NELL1: variants seen among roughly 807,000 people sequenced by gnomAD.
NELL1 encodes protein kinase C-binding protein NELL1.
NELL1 carries 76 observed loss-of-function variants against 107.4 expected under a neutral mutation model. That is an observed-to-expected ratio of 0.71 (90% CI 0.59 to 0.86). The LOEUF is 0.86. Ranked by LOEUF, NELL1 falls within the 40% of genes least tolerant of loss-of-function variation. The pLI, the probability that NELL1 is intolerant of heterozygous loss-of-function variation, is 0.00. For missense variants in NELL1, 1,024 were observed against 1,005.5 expected, an observed-to-expected ratio of 1.02 and a Z score of -0.25; for synonymous variants, 353 against 341.2, an observed-to-expected ratio of 1.03 and a Z score of -0.38.
intron 15 of NELL1, among the ~76,000 whole-genome samples, chr11:21,481,218 C>T (rs1029941620): frequency 2.6e-5 from 4 of 152,206 alleles, no homozygotes; most frequent in Admixed American, 6.5e-5. Flanking sequence ...AAGTCTCTCC[C>T]GATTCAAAGA....
intron 14 of NELL1, among the ~76,000 whole-genome samples, chr11:21,341,255 T>C (rs1387749328): frequency 2.0e-5 from 3 of 152,190 alleles, no homozygotes; most frequent in African/African-American, 7.2e-5. Flanking sequence ...ATCTACATTG[T>C]GATAGAGTTC....
At chr11:20,892,703 G>C (rs1849641687) in intron 5 of NELL1, among the ~76,000 whole-genome samples, 1 of 152,172 alleles carries the variant, frequency 6.6e-6, no homozygotes, top group African/African-American at 2.4e-5. Flanking sequence ...GGCCGAGGTG[G>C]GTGGATCATG....
intron 9 of NELL1, among the ~76,000 whole-genome samples, chr11:20,931,878 G>A (rs1471268500): frequency 7.0e-6 from 1 of 142,720 alleles, no homozygotes; most frequent in African/African-American, 2.5e-5. Flanking sequence ...ACTTTAGGTG[G>A]GGTAGTATTC....
intron 12 of NELL1, among the ~76,000 whole-genome samples, chr11:21,036,513 G>A (rs1056924765): frequency 2.0e-5 from 3 of 151,850 alleles, no homozygotes; most frequent in African/African-American, 7.2e-5. Context: ...ACAGCATGGT[G>A]TTCTTCAAGT....
At chr11:21,325,469 C>T (rs1478447597) in intron 14 of NELL1, among the ~76,000 whole-genome samples, 1 of 151,962 alleles carries the variant, frequency 6.6e-6, no homozygotes, top group Non-Finnish European at 1.5e-5. Context: ...CTTGTTTTGC[C>T]ACCCTTTCTT....
intron 14 of NELL1, among the ~76,000 whole-genome samples, chr11:21,351,806 C>G (rs1358748383): frequency 6.6e-6 from 1 of 152,104 alleles, no homozygotes; most frequent in Non-Finnish European, 1.5e-5. Flanking sequence ...TTCTATTTTT[C>G]TTAACACGTT....
chr11:20,860,128 A>G (rs930225385), intron 4 of NELL1, among the ~76,000 whole-genome samples: 5 of 152,092 alleles, frequency 3.3e-5, no homozygotes, highest in African/African-American at 1.2e-4. Flanking sequence ...TCTCTTCACA[A>G]TGCTGTTTCT....
chr11:21,127,920 A>G (rs930133537), intron 13 of NELL1, among the ~76,000 whole-genome samples: 13 of 152,172 alleles, frequency 8.5e-5, no homozygotes, highest in Admixed American at 6.5e-5. Context: ...ATTAACATCC[A>G]GTTGCCTCTC....
At chr11:21,437,502 G>A (rs1853152850) in intron 15 of NELL1, among the ~76,000 whole-genome samples, 1 of 151,406 alleles carries the variant, frequency 6.6e-6, no homozygotes, top group East Asian at 1.9e-4. Flanking sequence ...TGGAATTACA[G>A]GCCTGCACCA....
At chr11:21,033,844 T>C (rs1853022739) in intron 12 of NELL1, among the ~76,000 whole-genome samples, 1 of 152,176 alleles carries the variant, frequency 6.6e-6, no homozygotes, top group Non-Finnish European at 1.5e-5. Flanking sequence ...GAAACTGATT[T>C]AACTTCTACT....
intron 13 of NELL1, among the ~76,000 whole-genome samples, chr11:21,192,140 G>T (rs1857063315): frequency 6.6e-6 from 1 of 151,782 alleles, no homozygotes; most frequent in Non-Finnish European, 1.5e-5. Context: ...TCATATGGCA[G>T]GGATGTGTGT....
At chr11:20,862,367 G>A (rs1321953299) in intron 4 of NELL1, among the ~76,000 whole-genome samples, 8 of 151,976 alleles carry the variant, frequency 5.3e-5, no homozygotes, top group South Asian at 2.1e-4. Flanking sequence ...CATATACCCC[G>A]TCACTACACA....
chr11:21,534,900 G>A (rs1856096421), intron 16 of NELL1, among the ~76,000 whole-genome samples: 1 of 152,110 alleles, frequency 6.6e-6, no homozygotes. Flanking sequence ...GATTAAGAAA[G>A]TTTAGTTTGA....
intron 14 of NELL1, among the ~76,000 whole-genome samples, chr11:21,266,672 GTCA>G (rs766749408): frequency 1.3e-5 from 2 of 151,876 alleles, no homozygotes; most frequent in Non-Finnish European, 2.9e-5. Flanking sequence ...CCCCGGTTTT[GTCA>G]TCATCATTTT....
intron 4 of NELL1, among the ~76,000 whole-genome samples, chr11:20,876,537 G>A (rs1026156064): frequency 7.2e-5 from 11 of 152,070 alleles, no homozygotes; most frequent in South Asian, 4.1e-4. Context: ...AGGCCGAGGC[G>A]GTGGATCTCG....
At chr11:20,683,993 G>A (rs1191236416) in intron 2 of NELL1, among the ~76,000 whole-genome samples, 1 of 145,918 alleles carries the variant, frequency 6.9e-6, no homozygotes, top group Non-Finnish European at 1.5e-5. Flanking sequence ...TGGCCATTAT[G>A]TCTTCAAATA....
chr11:21,237,999 G>A (rs2085028), intron 14 of NELL1, among the ~76,000 whole-genome samples: 49,910 of 151,798 alleles, frequency 0.33, 8,254 homozygotes, highest in Middle Eastern at 0.4. Context: ...CCAGAGTTAT[G>A]TAATCAATCA....
intron 3 of NELL1, among the ~76,000 whole-genome samples, chr11:20,791,506 C>A (rs907480869): frequency 1.3e-5 from 2 of 152,122 alleles, no homozygotes; most frequent in Non-Finnish European, 2.9e-5. Context: ...AAGATTATGT[C>A]ATCTCCAAAT....
At chr11:21,414,311 G>T (rs1232094885) in intron 15 of NELL1, among the ~76,000 whole-genome samples, 2 of 152,032 alleles carry the variant, frequency 1.3e-5, no homozygotes, top group East Asian at 3.9e-4. Flanking sequence ...GCTATGCAGG[G>T]TGTTTTGGTT....
Sources: gnomAD v4.1 joint callset for allele counts (sites outside exome capture counted in the v4.1 genomes callset) on GRCh38, gnomAD v4.1.1 for gene constraint, MANE v1.5 for transcripts, NCBI Gene and HGNC (gene_info 2026-07-23, HGNC 2026-07-21) for gene names.